RFTN1: variants seen among roughly 807,000 people sequenced by gnomAD.
RFTN1 encodes raftlin, lipid raft linker 1, also known as raftlin.
A neutral mutation model predicts 46.5 loss-of-function variants in RFTN1; 26 were observed. That is an observed-to-expected ratio of 0.56 (90% confidence interval 0.41 to 0.78). The LOEUF (loss-of-function observed/expected upper bound fraction) is 0.78. Among genes scored for constraint, RFTN1 ranks in the 30% least tolerant of loss-of-function variants. The pLI, the probability that RFTN1 is intolerant of heterozygous loss-of-function variation, is 0.00. For missense variants in RFTN1, 693 were observed against 718.7 expected (o/e 0.96, Z 0.41); for synonymous variants, 261 against 284.2 (o/e 0.92, Z 0.82).
At position 16,327,803 on chromosome 3, in the gene RFTN1, G is replaced by C. The variant is rs887086695; in HGVS notation, c.1147-927C>G. 2.0e-5 allele frequency among the ~76,000 whole-genome samples: 3 copies of C among 150,872 alleles called. No individual in the cohort carries two copies. Among genetic ancestry groups the C allele is most frequent in the South Asian group, 4.2e-4 (2 of 4,766 alleles). ...CGAAAAAAACTTCAGCCCCCTGCTA[G>C]CACAGGGAGAGAGCCCTGATGTGAG... is the stretch of plus-strand genomic sequence containing the variant. On this transcript the variant is annotated intron_variant, in intron 7 of 9. Coordinates refer to ENST00000334133, the MANE Select transcript of RFTN1 (RefSeq NM_015150.2). The surrounding 1 kb of genome is among the most constrained non-coding windows in gnomAD (Gnocchi z 4.2).
chr3:16,378,023 C>A lies in RFTN1; in HGVS notation c.521G>T (p.Ser174Ile). 6.2e-7 allele frequency: 1 copy of A among 1,614,278 alleles called. No individual in the cohort carries two copies. Among genetic ancestry groups the A allele is most frequent in the Non-Finnish European group, 8.5e-7 (1 of 1,180,050 alleles). Reference protein sequence around the residue: ...QYHSSVNSAGSSAPVSTANST... With the variant: ...QYHSSVNSAGISAPVSTANST... Reference sequence around the variant, plus strand: ...GTTGGCAGTAGACACCGGAGCACTGCTGCCTGCCGAGTTCACAGAGGAATG... The same window carrying A: ...GTTGGCAGTAGACACCGGAGCACTGATGCCTGCCGAGTTCACAGAGGAATG... Residue 174 changes from serine (S) to isoleucine (I), a missense_variant, in exon 5 of 10, where the codon AGC (serine) becomes ATC (isoleucine). Ser to Ile is a moderately radical substitution (Grantham distance 142, BLOSUM62 -2). Coordinates refer to ENST00000334133, the MANE Select transcript of RFTN1 (RefSeq NM_015150.2).
rs111973730 is a variant in RFTN1, at chr3:16,342,903, G to A, written c.1146+15029C>T. 0.018 allele frequency among the ~76,000 whole-genome samples: 2,701 copies of A among 152,274 alleles called. 77 individuals are homozygous for A. The highest frequency in any genetic ancestry group is 0.06 in the African/African-American group (2,511 of 41,542). On this transcript the variant is annotated intron_variant, in intron 7 of 9. Coordinates refer to ENST00000334133, the MANE Select transcript of RFTN1 (RefSeq NM_015150.2). The surrounding 1 kb of genome is among the most constrained non-coding windows in gnomAD (Gnocchi z 4.0). The stretch of plus-strand genomic sequence containing the variant: ...CGAAGACCCACTGACTTTGAGTCTC[G>A]ATCTCAGCTCACTGCAGCCTCAACC...
chr3:16,359,905 A>C (rs2072716867), intron 6 of RFTN1, among the ~76,000 whole-genome samples: 1 of 152,124 alleles, frequency 6.6e-6, no homozygotes, highest in Non-Finnish European at 1.5e-5. Context: ...TATTTTCTAG[A>C]AGTCACAAAG....
At position 16,452,286 on chromosome 3, in the gene RFTN1, A is replaced by G. The variant is rs73024204; in HGVS notation, c.146-18249T>C. Reference sequence around the variant, plus strand: ...TAAAGAAAACTAAAAAAAAAATAATAGCTGTCAAGGTAGATGAAGGTAAGG... The same window carrying G: ...TAAAGAAAACTAAAAAAAAAATAATGGCTGTCAAGGTAGATGAAGGTAAGG... On this transcript the variant is annotated intron_variant, in intron 2 of 9. Coordinates refer to ENST00000334133, the MANE Select transcript of RFTN1 (RefSeq NM_015150.2). This position sits in a 1 kb window ranked among gnomAD's most constrained non-coding sequence, Gnocchi z 6.3. Among the ~76,000 whole-genome samples the G allele has an allele frequency of 0.045, 6,898 of 152,280 alleles. 212 individuals carry two copies. The highest frequency in any genetic ancestry group is 0.068 in the Middle Eastern group (20 of 294).
At chr3:16,401,999 G>T (rs1452859757) in intron 4 of RFTN1, among the ~76,000 whole-genome samples, 2 of 152,114 alleles carry the variant, frequency 1.3e-5, no homozygotes, top group Admixed American at 1.3e-4. Context: ...CTCTGTTCCT[G>T]GCTTTCTTGC....
At position 16,400,458 on chromosome 3, in the gene RFTN1, ATCTGC is replaced by A. The variant is rs960756890; in HGVS notation, c.441+8912_441+8916del. Among the ~76,000 whole-genome samples the A allele has an allele frequency of 2.0e-5, 3 of 152,206 alleles. No homozygotes were observed. Among genetic ancestry groups the A allele is most frequent in the African/African-American group, 7.2e-5 (3 of 41,444 alleles). ...GTGATCCTACAACCCTCATGTGCCC[ATCTGC>A]TCTGTGTCTGTGCCCTCAGCTAGAC... is the stretch of plus-strand genomic sequence containing the variant. On this transcript the variant is annotated intron_variant, in intron 4 of 9. Transcript: ENST00000334133. The surrounding 1 kb of genome is among the most constrained non-coding windows in gnomAD (Gnocchi z 4.5).
chr3:16,505,608 G>T (rs1029860881), intron 1 of RFTN1, among the ~76,000 whole-genome samples: 6 of 152,242 alleles, frequency 3.9e-5, no homozygotes, highest in Non-Finnish European at 7.3e-5. Flanking sequence ...GCGGTCTGGA[G>T]TCAGAGTTCC....
chr3:16,398,271 A>AAAAAAAAAAAAAAAAAG (rs1559322564), intron 4 of RFTN1, among the ~76,000 whole-genome samples: 2 of 149,586 alleles, frequency 1.3e-5, no homozygotes, highest in African/African-American at 5.0e-5. Context: ...AAAAAAAAAA[A>AAAAAAAAAAAAAAAAAG]AAGAAGCATC....
chr3:16,346,695 T>C lies in RFTN1; in HGVS notation c.1146+11237A>G, dbSNP rs1050419958. Among the ~76,000 whole-genome samples, 1 of 152,192 alleles carries C rather than the reference T, an allele frequency of 6.6e-6. No individual in the cohort carries two copies. Among genetic ancestry groups the C allele is most frequent in the Non-Finnish European group, 1.5e-5 (1 of 68,034 alleles). ...TGAGGAAATCTCTGTTGTGGGTTTC[T>C]GGGAAAGCTTTTACTTGCTAATAAA... On this transcript the variant is annotated intron_variant, in intron 7 of 9. Transcript: ENST00000334133. This position sits in a 1 kb window ranked among gnomAD's most constrained non-coding sequence, Gnocchi z 4.4.
chr3:16,502,384 A>C (rs1233207710), intron 1 of RFTN1, among the ~76,000 whole-genome samples: 1 of 124,264 alleles, frequency 8.0e-6, no homozygotes, highest in Non-Finnish European at 1.6e-5. Context: ...ACCTTGTCTC[A>C]AAAAAAAAAA....
intron 2 of RFTN1, chr3:16,482,692 TGC>T: frequency 1.5e-6 from 2 of 1,310,952 alleles, no homozygotes; most frequent in Non-Finnish European, 2.1e-6. Flanking sequence ...GCACCATGCA[TGC>T]CACATTAGCT....
At position 16,473,896 on chromosome 3, in the gene RFTN1, G is replaced by C. The variant is rs550738451; in HGVS notation, c.145+19829C>G. 1.9e-4 allele frequency among the ~76,000 whole-genome samples: 29 copies of C among 152,268 alleles called. No homozygotes were observed. In the South Asian group the frequency reaches 6.0e-3, roughly 32 times the overall value. On this transcript the variant is annotated intron_variant, in intron 2 of 9. Transcript: ENST00000334133. The surrounding 1 kb of genome is among the most constrained non-coding windows in gnomAD (Gnocchi z 5.3). ...CGCCCTTGTGAACACTGACTTCTCT[G>C]ACCAATGCCTGTGGTCCTGGTGACC...
chr3:16,367,157 C>T (rs570055461), intron 6 of RFTN1, among the ~76,000 whole-genome samples: 2 of 145,572 alleles, frequency 1.4e-5, no homozygotes, highest in African/African-American at 5.1e-5. Flanking sequence ...ATTCAGGAGT[C>T]GTGACTAGTG....
At chr3:16,482,960 A>G (rs2076392504) in intron 2 of RFTN1, 2 of 753,280 alleles carry the variant, frequency 2.7e-6, no homozygotes, top group Non-Finnish European at 2.1e-6. Context: ...CAGCAGTATC[A>G]AGGGCTGCTT....
At chr3:16,508,595 T>C (rs920634259) in intron 1 of RFTN1, among the ~76,000 whole-genome samples, 4 of 152,166 alleles carry the variant, frequency 2.6e-5, no homozygotes, top group Admixed American at 6.5e-5. Context: ...TGATAAAACA[T>C]GCAATGCTAA....
At chr3:16,398,870 TCTC>T (rs1310163541) in intron 4 of RFTN1, among the ~76,000 whole-genome samples, 1 of 152,168 alleles carries the variant, frequency 6.6e-6, no homozygotes, top group South Asian at 2.1e-4. Context: ...ACCTTCTGCT[TCTC>T]CTCTGGTCAT....
rs2075836040 is a variant in RFTN1 at position 16,452,421 on chromosome 3, G to T, written c.146-18384C>A. Among the ~76,000 whole-genome samples, 1 of 152,204 alleles carries T rather than the reference G, an allele frequency of 6.6e-6. No individual in the cohort carries two copies. The highest frequency in any genetic ancestry group is 2.4e-5 in the African/African-American group (1 of 41,458). On this transcript the variant is annotated intron_variant, in intron 2 of 9. Coordinates refer to ENST00000334133, the MANE Select transcript of RFTN1 (RefSeq NM_015150.2). This position sits in a 1 kb window ranked among gnomAD's most constrained non-coding sequence, Gnocchi z 6.3. ...CCATCTTCACAATGTTGATTGAAATGCTTAGCTACTGTATCATGGGTTTAT... is the reference window on the plus strand; with the variant it reads ...CCATCTTCACAATGTTGATTGAAATTCTTAGCTACTGTATCATGGGTTTAT...
At chr3:16,333,204 A>C (rs576321615) in intron 7 of RFTN1, among the ~76,000 whole-genome samples, 1 of 152,348 alleles carries the variant, frequency 6.6e-6, no homozygotes, top group Non-Finnish European at 1.5e-5. Flanking sequence ...ATCACCAACA[A>C]AAAGCACAAA....
intron 4 of RFTN1, among the ~76,000 whole-genome samples, chr3:16,405,460 C>T (rs183504769): frequency 2.5e-4 from 38 of 152,280 alleles, no homozygotes; most frequent in African/African-American, 5.8e-4. Flanking sequence ...ATTTGACCAG[C>T]TAGAGCACTC....
Sources: allele counts gnomAD v4.1 joint callset (sites outside exome capture counted in the v4.1 genomes callset), GRCh38; gene constraint gnomAD v4.1.1; non-coding constraint Gnocchi (gnomAD v3.1); transcripts MANE v1.5; gene names NCBI Gene and HGNC (gene_info 2026-07-23, HGNC 2026-07-21).